Variants in CLCNKB observed in about 807,000 individuals in gnomAD.
CLCNKB encodes the protein chloride voltage-gated channel Kb.
In CLCNKB, 74 loss-of-function variants were observed where a neutral mutation model predicts 83.8. The ratio of observed to expected loss-of-function variants is 0.88; its 90% CI spans 0.73 to 1.07. The LOEUF is 1.07. Ranked by LOEUF, CLCNKB falls within the 50% of genes least tolerant of loss-of-function variation. The pLI is 0.00. For missense variants in CLCNKB, 798 were observed against 893.6 expected, an observed-to-expected ratio of 0.89 and a Z score of 1.36; for synonymous variants, 358 against 356.6, an observed-to-expected ratio of 1.00 and a Z score of -0.04.
At chr1:16,044,378 C>CATACACACAT in intron 1 of CLCNKB, 108 bp from the exon 2 acceptor site, 1 of 739,308 alleles carries the variant, frequency 1.4e-6, no homozygotes, top group Admixed American at 2.1e-5. Flanking sequence ...CACACACACA[C>CATACACACAT]GCACAATCTT....
At chr1:16,047,672 C>T (rs563739086) in intron 4 of CLCNKB, among the ~76,000 whole-genome samples, 3 of 152,074 alleles carry the variant, frequency 2.0e-5, no homozygotes, top group South Asian at 2.1e-4. Flanking sequence ...AGGAGGCTGA[C>T]GCAGGAGGAT....
chr1:16,051,412 G>C, intron 12 of CLCNKB, 66 bp from the exon 13 acceptor site: 2 of 1,570,374 alleles, frequency 1.3e-6, no homozygotes, highest in Non-Finnish European at 1.8e-6. Context: ...CCCATGTCCT[G>C]TCCTCCCTTG....
chr1:16,051,396 C>G, intron 12 of CLCNKB, 82 bp from the exon 13 acceptor site: 1 of 1,516,846 alleles, frequency 6.6e-7, no homozygotes. Flanking sequence ...TAGGACACTC[C>G]CCTGTCCCAT....
intron 10 of CLCNKB, 47 bp downstream of exon 10, chr1:16,049,963 T>A (rs7368166): frequency 5.9e-4 from 884 of 1,498,848 alleles, no homozygotes; most frequent in Admixed American, 8.2e-4. Flanking sequence ...AGCTCCCCCC[T>A]CACCGTACTC....
chr1:16,044,356 T>TACACAC (rs1553127093), intron 1 of CLCNKB, 130 bp from the exon 2 acceptor site: 143 of 375,342 alleles, frequency 3.8e-4, no homozygotes, highest in African/African-American at 1.3e-3. Flanking sequence ...TAACTTCACA[T>TACACAC]ACACACACAC....
At chr1:16,055,311 TGACAATAGTCACAATAGC>T (rs2023404394) in intron 16 of CLCNKB, 106 bp from the exon 17 acceptor site, 1 of 807,086 alleles carries the variant, frequency 1.2e-6, no homozygotes, top group African/African-American at 1.7e-5. Context: ...TTATAATGGG[TGACAATAGTCACAATAGC>T]CCCATAGGAA....
intron 16 of CLCNKB, among the ~76,000 whole-genome samples, chr1:16,054,456 C>T (rs1315273060): frequency 6.6e-6 from 1 of 152,114 alleles, no homozygotes; most frequent in Non-Finnish European, 1.5e-5. Flanking sequence ...CCTATGCCCA[C>T]CCCAAGAGGG....
intron 7 of CLCNKB, 186 bp from the exon 8 acceptor site, chr1:16,048,934 G>A (rs778485953): frequency 5.4e-6 from 8 of 1,471,328 alleles, no homozygotes; most frequent in African/African-American, 2.8e-5. Flanking sequence ...CAGGCTGGAC[G>A]GGTCTCTGGG....
At chr1:16,052,160 C>A (rs1402167681) in intron 14 of CLCNKB, 38 bp from the exon 15 acceptor site, 2 of 1,611,522 alleles carry the variant, frequency 1.2e-6, no homozygotes, top group Non-Finnish European at 1.7e-6. Flanking sequence ...GAGGCTGGCC[C>A]CTGGCCTGAG....
intron 19 of CLCNKB, 148 bp from the exon 20 acceptor site, chr1:16,056,721 C>T (rs572549658): frequency 4.7e-4 from 431 of 914,230 alleles, no homozygotes; most frequent in Non-Finnish European, 6.9e-4. Context: ...CTGCCCCTCT[C>T]GGCCTCAGTG....
rs1370480680 is a variant in CLCNKB, at chr1:16,045,458, C to T, written c.101-100C>T. The stretch of plus-strand genomic sequence containing the variant: ...GAGTATACCACCAAGCTCCATCCCC[C>T]TGCCCCAGCCTCTCTGCCTGAAGCC... On this transcript the variant is annotated intron_variant, in intron 2 of 19. Transcript: ENST00000375679. The T allele has an allele frequency of 5.5e-6, 8 of 1,443,188 alleles. No individual in the cohort carries two copies. In the South Asian group the frequency reaches 7.1e-5, roughly 13 times the overall value. 89.4% of individuals were successfully genotyped at this position (1,443,188 alleles called of 1,614,324 possible). A position where few individuals can be genotyped will look rare whatever the true frequency, so the allele number is the denominator to read the frequency against.
At position 16,049,180 on chromosome 1, in the gene CLCNKB, G is replaced by T; in HGVS notation, c.716G>T (p.Gly239Val). The T allele has an allele frequency of 6.2e-7, 1 of 1,613,538 alleles. No homozygotes were observed. Residue 239 changes from glycine to valine, a missense_variant, in exon 8 of 20, where the codon GGC becomes GTC. Gly to Val is a moderately radical substitution (Grantham distance 109, BLOSUM62 -3). Coordinates refer to ENST00000375679, the MANE Select transcript of CLCNKB (RefSeq NM_000085.5). ...TTCTCTGTCTGGGATTACTGGAGGG[G>T]CTTCTTTGCGGCCACCTGCGGGGCC... ...SHFSVWDYWRGFFAATCGAFM... is the reference protein window; with the variant it reads ...SHFSVWDYWRVFFAATCGAFM...
At chr1:16,044,632 C>A in intron 2 of CLCNKB, 40 bp downstream of exon 2, 1 of 1,487,928 alleles carries the variant, frequency 6.7e-7, no homozygotes, top group Non-Finnish European at 9.2e-7. Flanking sequence ...TGGAGGACCA[C>A]TCAGGACATC....
In CLCNKB at chr1:16,051,552, G is replaced by T. The variant is rs35351345; in HGVS notation, c.1297+5G>T. 7.1e-3 allele frequency: 11,382 copies of T among 1,614,038 alleles called. 47 individuals are homozygous for T. The highest frequency in any genetic ancestry group is 8.6e-3 in the Middle Eastern group (52 of 6,060). The stretch of plus-strand genomic sequence containing the variant: ...TCATGCCCATCTTTGTCTATGGTGA[G>T]TCTGGGGTCCTGAGGTTCTGAGAGT... On this transcript the variant is annotated splice_donor_5th_base_variant and intron_variant, in intron 13 of 19. Coordinates refer to ENST00000375679, the MANE Select transcript of CLCNKB (RefSeq NM_000085.5).
In CLCNKB at chr1:16,045,650, T is replaced by C; in HGVS notation, c.193T>C (p.Cys65Arg). The C allele has an allele frequency of 6.2e-7, 1 of 1,614,024 alleles. No individual in the cohort carries two copies. The highest frequency in any genetic ancestry group is 8.5e-7 in the Non-Finnish European group (1 of 1,179,906). The change falls in exon 3 of 20, where the codon TGT becomes CGT. Residue 65 changes from cysteine to arginine, a missense_variant. By Grantham distance (180) the Cys-to-Arg change is radical (BLOSUM62 -3). Transcript: ENST00000375679. ...CGGGGTGCTCATGGCCCTGGTCAGC[T>C]GTGCCATGGACTTGGCTGTTGAGAG... ...TLGVLMALVS[C>R]AMDLAVESVV...
chr1:16,044,031 C>T (rs2124079671), intron 1 of CLCNKB, among the ~76,000 whole-genome samples, 151 bp downstream of exon 1: 1 of 152,020 alleles, frequency 6.6e-6, no homozygotes, highest in South Asian at 2.1e-4. Flanking sequence ...GTGGCCTGAG[C>T]TGGGGTCAGG....
intron 16 of CLCNKB, among the ~76,000 whole-genome samples, chr1:16,054,792 A>G (rs955031772): frequency 1.3e-5 from 2 of 152,092 alleles, no homozygotes; most frequent in Non-Finnish European, 2.9e-5. Context: ...TCCAACCAAC[A>G]CAGGCCCAGG....
At chr1:16,055,127 C>T (rs1283635162) in intron 16 of CLCNKB, among the ~76,000 whole-genome samples, 1 of 152,096 alleles carries the variant, frequency 6.6e-6, no homozygotes, top group African/African-American at 2.4e-5. Flanking sequence ...ATCGTGCTGG[C>T]GTCCCTAGCT....
At chr1:16,044,808 C>T (rs1164196981) in intron 2 of CLCNKB, among the ~76,000 whole-genome samples, 2 of 152,208 alleles carry the variant, frequency 1.3e-5, no homozygotes, top group East Asian at 1.9e-4. Context: ...CTCTGCCTTT[C>T]GGGAGATACA....
Sources: gnomAD v4.1 joint callset for allele counts (sites outside exome capture counted in the v4.1 genomes callset) on GRCh38, gnomAD v4.1.1 for gene constraint, MANE v1.5 for transcripts, NCBI Gene and HGNC (gene_info 2026-07-23, HGNC 2026-07-21) for gene names.